The following DENND5A variants were observed in gnomAD, a reference collection of about 807,000 sequenced individuals.
DENND5A encodes DENN domain containing 5A, also known as DENN domain-containing protein 5A.
A neutral mutation model predicts 140.3 loss-of-function variants in DENND5A; 64 were observed. The ratio of observed to expected loss-of-function variants is 0.46; its 90% CI spans 0.37 to 0.56. The LOEUF (loss-of-function observed/expected upper bound fraction) is 0.56, where lower values mean the gene tolerates loss of function less well. Ranked by LOEUF, DENND5A falls within the 20% of genes least tolerant of loss-of-function variation. DENND5A has a pLI of 0.00. For synonymous variants in DENND5A, 605 were observed against 607.7 expected (o/e 1.00, Z 0.07); for missense variants, 1,292 against 1,593.8 (o/e 0.81, Z 3.22).
intron 16 of DENND5A, among the ~76,000 whole-genome samples, chr11:9,146,062 A>G (rs1459665534): frequency 1.3e-5 from 2 of 152,222 alleles, no homozygotes; most frequent in East Asian, 1.9e-4. Context: ...CAAAGATCCA[A>G]GCCTATCTGT....
chr11:9,264,469 C>T (rs775143916), intron 1 of DENND5A, among the ~76,000 whole-genome samples: 2 of 152,168 alleles, frequency 1.3e-5, no homozygotes, highest in African/African-American at 4.8e-5. Context: ...GAGCTGCAAT[C>T]TGACTCAGGG....
chr11:9,262,810 G>C (rs1852262587), intron 1 of DENND5A, among the ~76,000 whole-genome samples: 1 of 151,266 alleles, frequency 6.6e-6, no homozygotes, highest in Non-Finnish European at 1.5e-5. Context: ...GGCGCGATCT[G>C]GGCTCACTGC....
chr11:9,181,056 T>C lies in DENND5A; in HGVS notation c.1166A>G (p.Asn389Ser), dbSNP rs760371606. 1.9e-5 allele frequency: 31 copies of C among 1,613,956 alleles called. 1 individual carries two copies. In the Admixed American group the frequency reaches 3.7e-4, roughly 19 times the overall value. The change falls in exon 6 of 23, where the codon AAC becomes AGC. Residue 389 changes from asparagine (N) to serine (S), a missense_variant. Coordinates refer to ENST00000328194, the MANE Select transcript of DENND5A (RefSeq NM_015213.4). ...EANLCFVDID[N>S]HFIELPEDLP... ...GTCCTCTGGCAACTCAATGAAGTGG[T>C]TGTCAATGTCCACAAAGCAGAGGTT... is the stretch of plus-strand genomic sequence containing the variant.
At chr11:9,220,986 G>A (rs1261332501) in intron 1 of DENND5A, among the ~76,000 whole-genome samples, 9 of 151,506 alleles carry the variant, frequency 5.9e-5, no homozygotes, top group Non-Finnish European at 1.0e-4. Flanking sequence ...GGAGGCTGAG[G>A]TGGGAGGACT....
chr11:9,226,946 A>G (rs752684314), intron 1 of DENND5A, among the ~76,000 whole-genome samples: 25 of 152,274 alleles, frequency 1.6e-4, no homozygotes, highest in Admixed American at 7.9e-4. Flanking sequence ...AGGCGGGCAG[A>G]TCACCTGAGG....
chr11:9,249,704 T>A (rs756646889), intron 1 of DENND5A, among the ~76,000 whole-genome samples: 1 of 152,012 alleles, frequency 6.6e-6, no homozygotes, highest in East Asian at 1.9e-4. Flanking sequence ...CCCACCACCA[T>A]GCCTGGCTAA....
chr11:9,209,879 G>A (rs1849816464), intron 1 of DENND5A, among the ~76,000 whole-genome samples: 1 of 152,120 alleles, frequency 6.6e-6, no homozygotes, highest in African/African-American at 2.4e-5. Flanking sequence ...GCTAAGGTGG[G>A]TGGATCACTT....
chr11:9,198,309 T>TAA (rs762423564), intron 4 of DENND5A, among the ~76,000 whole-genome samples: 2 of 138,950 alleles, frequency 1.4e-5, no homozygotes, highest in African/African-American at 2.7e-5. Flanking sequence ...CACTCCACTT[T>TAA]AAAAAAAAAA....
In DENND5A at chr11:9,143,040, A is replaced by T. The variant is rs1847299498; in HGVS notation, c.3388-195T>A. 21 of 650,324 alleles carry T rather than the reference A, an allele frequency of 3.2e-5. No individual in the cohort carries two copies. The South Asian group carries it at 3.8e-4, about 12-fold the overall frequency. The allele number at this position is 650,324 out of a possible 1,614,324, so 40.3% of individuals were successfully genotyped here. A position where few individuals can be genotyped will look rare whatever the true frequency, so the allele number is the denominator to read the frequency against. On this transcript the variant is annotated intron_variant, in intron 20 of 22. Transcript: ENST00000328194. ...TGAAGAGCTGCTGAATAAATGGATG[A>T]AAGAAGAGATGATGGATCTGGGTCA... is the stretch of plus-strand genomic sequence containing the variant.
intron 1 of DENND5A, among the ~76,000 whole-genome samples, chr11:9,215,548 T>C (rs939058903): frequency 1.5e-4 from 13 of 83,896 alleles, no homozygotes; most frequent in African/African-American, 4.9e-4. Context: ...CAATCCTGTG[T>C]TCTTTTTTTT....
Position 9,170,615 on chromosome 11 carries a change from G to A in DENND5A, c.2057+12C>T. 5 of 1,613,558 alleles carry A rather than the reference G, an allele frequency of 3.1e-6. No homozygotes were observed. The highest frequency in any genetic ancestry group is 4.2e-6 in the Non-Finnish European group (5 of 1,179,854). ...AGGGAGTTGGATTAGTGAATCCCTG[G>A]GGTTGACTCACTTGTTGCTGGCTGG... On this transcript the variant is annotated intron_variant, in intron 9 of 22. Coordinates refer to ENST00000328194, the MANE Select transcript of DENND5A (RefSeq NM_015213.4).
chr11:9,249,313 T>C (rs1851615561), intron 1 of DENND5A, among the ~76,000 whole-genome samples: 1 of 152,204 alleles, frequency 6.6e-6, no homozygotes, highest in Non-Finnish European at 1.5e-5. Flanking sequence ...TGTAATTTGT[T>C]ATAAATCAGG....
At position 9,186,249 on chromosome 11, in the gene DENND5A, T is replaced by C. The variant is rs372351748; in HGVS notation, c.1138-5165A>G. On this transcript the variant is annotated intron_variant, in intron 5 of 22. Transcript: ENST00000328194. ...GAACCCCACCTAGTCAAAAGGCCAA[T>C]AAATGTTTAACTTAACACCTAAAAA... 1.4e-4 allele frequency among the ~76,000 whole-genome samples: 21 copies of C among 152,344 alleles called. No individual in the cohort carries two copies. In the East Asian group the frequency reaches 3.5e-3, roughly 25 times the overall value.
chr11:9,209,502 C>T (rs1208351770), intron 1 of DENND5A, among the ~76,000 whole-genome samples: 1 of 152,214 alleles, frequency 6.6e-6, no homozygotes, highest in African/African-American at 2.4e-5. Flanking sequence ...TCTGCCCCTT[C>T]TTTAAATTAG....
chr11:9,177,009 C>T (rs1272716059), intron 8 of DENND5A: 2 of 438,674 alleles, frequency 4.6e-6, no homozygotes, highest in South Asian at 1.6e-5. Context: ...AATCCTAGCA[C>T]TTTGGAATGC....
At chr11:9,160,602 C>T (rs185986850) in intron 12 of DENND5A, 111 bp downstream of exon 12, 2 of 883,718 alleles carry the variant, frequency 2.3e-6, no homozygotes, top group East Asian at 5.1e-5. Flanking sequence ...CTCCAGGGCA[C>T]TGTGCACCAT....
intron 5 of DENND5A, among the ~76,000 whole-genome samples, chr11:9,182,004 G>A (rs963284441): frequency 1.1e-4 from 17 of 152,260 alleles, no homozygotes; most frequent in South Asian, 1.0e-3. Flanking sequence ...CACTGCTGAT[G>A]GGGTAGATAA....
At chr11:9,180,310 G>A (rs1380808994) in intron 6 of DENND5A, among the ~76,000 whole-genome samples, 1 of 152,052 alleles carries the variant, frequency 6.6e-6, no homozygotes, top group Non-Finnish European at 1.5e-5. Context: ...AATAATAATT[G>A]GGTGTGGTGG....
chr11:9,144,458 G>C (rs1052639358), intron 18 of DENND5A, among the ~76,000 whole-genome samples, 180 bp from the exon 19 acceptor site: 2 of 152,138 alleles, frequency 1.3e-5, no homozygotes, highest in Non-Finnish European at 2.9e-5. Context: ...TAGGTGGCCT[G>C]GGATCTGGGC....
Sources: allele counts gnomAD v4.1 joint callset (sites outside exome capture counted in the v4.1 genomes callset), GRCh38; gene constraint gnomAD v4.1.1; transcripts MANE v1.5; gene names NCBI Gene and HGNC (gene_info 2026-07-23, HGNC 2026-07-21).